Variants in TUFT1 observed in about 807,000 individuals in gnomAD.
TUFT1 encodes the protein tuftelin 1.
TUFT1 carries 43 observed loss-of-function variants against 57.8 expected under a neutral mutation model. That is an observed-to-expected ratio of 0.74 (90% CI 0.58 to 0.96). The LOEUF is 0.96. Ranked by LOEUF, TUFT1 falls within the 40% of genes least tolerant of loss-of-function variation. The probability of loss-of-function intolerance (pLI) is 0.00; values close to 1 mark genes in which losing one functional copy is unlikely to be tolerated. For synonymous variants in TUFT1, 166 were observed against 176.7 expected (o/e 0.94, Z 0.48); for missense variants, 459 against 489.0 (o/e 0.94, Z 0.58).
chr1:151,541,741 C>T (rs1404586563), intron 1 of TUFT1, among the ~76,000 whole-genome samples: 1 of 152,182 alleles, frequency 6.6e-6, no homozygotes, highest in East Asian at 1.9e-4. Flanking sequence ...CCCAGTTGCC[C>T]AAACCCCATT....
intron 11 of TUFT1, among the ~76,000 whole-genome samples, chr1:151,580,355 T>C (rs1486555363): frequency 6.6e-6 from 1 of 152,126 alleles, no homozygotes; most frequent in Non-Finnish European, 1.5e-5. Context: ...GTATCTCAAC[T>C]GAGGACAAAA....
chr1:151,572,340 C>G (rs1371735800), intron 7 of TUFT1, among the ~76,000 whole-genome samples: 1 of 151,986 alleles, frequency 6.6e-6, no homozygotes, highest in East Asian at 1.9e-4. Flanking sequence ...GCTGGAGCTA[C>G]AGAGTCAAAT....
chr1:151,553,932 T>C (rs1665590515), intron 1 of TUFT1, among the ~76,000 whole-genome samples: 2 of 152,230 alleles, frequency 1.3e-5, no homozygotes, highest in African/African-American at 4.8e-5. Context: ...CCCCTTGTCA[T>C]ATGTTTAATG....
At chr1:151,576,574 G>A (rs1269202149) in intron 9 of TUFT1, among the ~76,000 whole-genome samples, 1 of 152,130 alleles carries the variant, frequency 6.6e-6, no homozygotes, top group African/African-American at 2.4e-5. Context: ...CTCTTTTCAG[G>A]TTTGTTAACT....
chr1:151,580,937 T>TCC lies in TUFT1; in HGVS notation c.1009-5_1009-4insCC. 6.2e-7 allele frequency: 1 copy of TCC among 1,613,996 alleles called. No individual in the cohort carries two copies. On this transcript the variant is annotated splice_polypyrimidine_tract_variant and splice_region_variant and intron_variant, in intron 11 of 12. Transcript: ENST00000368849. Reference sequence around the variant, plus strand: ...CCAACTCTAACCCCTAAGCTTGTGTTACAGAATTTAGAGATGCATGACCGG... The same window carrying TCC: ...CCAACTCTAACCCCTAAGCTTGTGTTCCACAGAATTTAGAGATGCATGACCGG...
intron 1 of TUFT1, among the ~76,000 whole-genome samples, chr1:151,542,524 A>C (rs1571679837): frequency 6.6e-6 from 1 of 151,934 alleles, no homozygotes; most frequent in East Asian, 1.9e-4. Flanking sequence ...GAGCCACTAC[A>C]TCTGGCCCCT....
rs1665581401 is a variant in TUFT1 at position 151,553,629 on chromosome 1, CAT to C, written c.61-8459_61-8458del. Among the ~76,000 whole-genome samples the C allele has an allele frequency of 2.0e-5, 3 of 152,224 alleles. 1 individual carries two copies. In the South Asian group the frequency reaches 6.2e-4, roughly 32 times the overall value. ...TTCCGAGGTCTTCATTTTGGGGTAT[CAT>C]ATTCTGAGATCCTACATTTGCATTT... is the stretch of plus-strand genomic sequence containing the variant. On this transcript the variant is annotated intron_variant, in intron 1 of 12. Coordinates refer to ENST00000368849, the MANE Select transcript of TUFT1 (RefSeq NM_020127.3).
chr1:151,555,964 C>T (rs1474770814), intron 1 of TUFT1, among the ~76,000 whole-genome samples: 1 of 152,048 alleles, frequency 6.6e-6, no homozygotes, highest in African/African-American at 2.4e-5. Flanking sequence ...CCAAAAGCAC[C>T]CCTCATGTTG....
At chr1:151,550,729 A>G (rs1451172474) in intron 1 of TUFT1, among the ~76,000 whole-genome samples, 1 of 152,212 alleles carries the variant, frequency 6.6e-6, no homozygotes, top group African/African-American at 2.4e-5. Flanking sequence ...TCACAGCTGA[A>G]TAGTAGTTCA....
intron 1 of TUFT1, among the ~76,000 whole-genome samples, chr1:151,550,106 C>G (rs1286311085): frequency 1.3e-5 from 2 of 151,978 alleles, no homozygotes; most frequent in African/African-American, 4.8e-5. Flanking sequence ...TCCTTATCTC[C>G]CTGGGGCCTC....
intron 1 of TUFT1, among the ~76,000 whole-genome samples, chr1:151,561,124 G>T (rs1267331871): frequency 1.3e-5 from 2 of 151,934 alleles, no homozygotes; most frequent in Non-Finnish European, 2.9e-5. Flanking sequence ...CTCCCGAGTA[G>T]CTGGGACTAC....
chr1:151,581,670 C>G lies in TUFT1; in HGVS notation c.1136C>G (p.Pro379Arg), dbSNP rs774343044. The G allele has an allele frequency of 4.3e-6, 7 of 1,614,018 alleles. No individual in the cohort carries two copies. Among genetic ancestry groups the G allele is most frequent in the Non-Finnish European group, 5.1e-6 (6 of 1,180,030 alleles). ...ATTAGGATATCCAAGCCGCCTAGCC[C>G]GAAGCCCATGCCTGTCATCCGAGTG... ...GSIRISKPPSPKPMPVIRVVE... is the reference protein window; with the variant it reads ...GSIRISKPPSRKPMPVIRVVE... Residue 379 changes from proline to arginine, a missense_variant, in exon 13 of 13, where the codon CCG becomes CGG. Pro to Arg is a moderately radical substitution (Grantham distance 103, BLOSUM62 -2). Coordinates refer to ENST00000368849, the MANE Select transcript of TUFT1 (RefSeq NM_020127.3).
chr1:151,579,575 A>G, intron 10 of TUFT1, 74 bp from the exon 11 acceptor site: 1 of 1,481,210 alleles, frequency 6.8e-7, no homozygotes, highest in Non-Finnish European at 9.4e-7. Flanking sequence ...CTTCCCCAGC[A>G]GCTGGGGTGA....
In TUFT1 at chr1:151,574,463, C is replaced by T. The variant is rs545060607; in HGVS notation, c.723+65C>T. 1.5e-5 allele frequency: 24 copies of T among 1,590,436 alleles called. No homozygotes were observed. In the East Asian group the frequency reaches 2.5e-4, roughly 16 times the overall value. On this transcript the variant is annotated intron_variant, in intron 8 of 12. Coordinates refer to ENST00000368849, the MANE Select transcript of TUFT1 (RefSeq NM_020127.3). ...GGCTGGAAGGGGCCTGCAGGTGGATCGAAACGGTTGCCGAGACCCTTCTTT... is the reference window on the plus strand; with the variant it reads ...GGCTGGAAGGGGCCTGCAGGTGGATTGAAACGGTTGCCGAGACCCTTCTTT...
chr1:151,574,233 T>TC (rs745412166), intron 7 of TUFT1, 37 bp from the exon 8 acceptor site: 8 of 1,583,768 alleles, frequency 5.1e-6, no homozygotes, highest in Non-Finnish European at 6.8e-6. Flanking sequence ...TGCTCTTTTT[T>TC]CCACACCATT....
intron 1 of TUFT1, chr1:151,545,805 AC>A: frequency 1.9e-6 from 1 of 532,178 alleles, no homozygotes; most frequent in Non-Finnish European, 3.9e-6. Flanking sequence ...GACCTGAGTA[AC>A]CTTTGCTAGT....
rs534127349 is a variant in TUFT1 at position 151,580,895 on chromosome 1, G to A, written c.1009-47G>A. 1.1e-5 allele frequency: 18 copies of A among 1,571,734 alleles called. No homozygotes were observed. The East Asian group carries it at 1.8e-4, about 16-fold the overall frequency. On this transcript the variant is annotated intron_variant, in intron 11 of 12. Coordinates refer to ENST00000368849, the MANE Select transcript of TUFT1 (RefSeq NM_020127.3). ...AATGCACTAGCTGAACGTGGCACCC[G>A]GGAAGCCAGAAAAAGGCCAACTCTA...
At position 151,581,605 on chromosome 1, in the gene TUFT1, G is replaced by A. The variant is rs778924177; in HGVS notation, c.1110-39G>A. 1.2e-5 allele frequency: 19 copies of A among 1,609,030 alleles called. No homozygotes were observed. The South Asian group carries it at 1.3e-4, about 11-fold the overall frequency. ...GTGAAGGGTGGGCCACAACACAGCT[G>A]TTCCCAGCACAACTCAGTGTTTCCA... is the stretch of plus-strand genomic sequence containing the variant. On this transcript the variant is annotated intron_variant, in intron 12 of 12. Transcript: ENST00000368849.
At chr1:151,556,931 G>A (rs1173333252) in intron 1 of TUFT1, among the ~76,000 whole-genome samples, 4 of 152,082 alleles carry the variant, frequency 2.6e-5, no homozygotes, top group East Asian at 3.9e-4. Flanking sequence ...CCGAGATTGC[G>A]TCACTGTACT....
Sources: gnomAD v4.1 joint callset for allele counts (sites outside exome capture counted in the v4.1 genomes callset) on GRCh38, gnomAD v4.1.1 for gene constraint, MANE v1.5 for transcripts, NCBI Gene and HGNC (gene_info 2026-07-23, HGNC 2026-07-21) for gene names.